The following THRB variants were observed in gnomAD, a reference collection of about 807,000 sequenced individuals.
THRB encodes the protein nuclear receptor subfamily 1 group A member 2.
Under a neutral mutation model 47.8 loss-of-function variants are expected in THRB, and 12 were observed. That is an observed-to-expected ratio of 0.25 (90% CI 0.16 to 0.41). The LOEUF is 0.41. THRB is among the 10% of genes least tolerant of loss of function. The probability of loss-of-function intolerance (pLI) is 1.00; values close to 1 mark genes in which losing one functional copy is unlikely to be tolerated. For synonymous variants in THRB, 218 were observed against 212.2 expected (o/e 1.03, Z -0.24); for missense variants, 348 against 589.2 (o/e 0.59, Z 4.24).
At chr3:24,198,078 A>G (rs2044161517) in intron 4 of THRB, among the ~76,000 whole-genome samples, 1 of 152,122 alleles carries the variant, frequency 6.6e-6, no homozygotes, top group South Asian at 2.1e-4. Flanking sequence ...CTTTGAATCT[A>G]CCCAGGTGGC....
intron 3 of THRB, among the ~76,000 whole-genome samples, chr3:24,238,313 T>G: frequency 7.6e-6 from 1 of 131,124 alleles, no homozygotes; most frequent in Non-Finnish European, 1.6e-5. Flanking sequence ...GTGTGTGTGA[T>G]GAACGGATTG....
chr3:24,307,328 A>T (rs2057422955), intron 2 of THRB, among the ~76,000 whole-genome samples: 1 of 152,126 alleles, frequency 6.6e-6, no homozygotes, highest in Non-Finnish European at 1.5e-5. Context: ...GTATTAAAAA[A>T]TCACTAGTAA....
At chr3:24,143,460 C>G (rs761469654) in intron 8 of THRB, 41 bp downstream of exon 8, 29 of 1,587,066 alleles carry the variant, frequency 1.8e-5, no homozygotes, top group Non-Finnish European at 2.5e-5. Flanking sequence ...GTAGAAAACA[C>G]TGGCATATAA....
chr3:24,328,322 T>C (rs1023011937), intron 2 of THRB, among the ~76,000 whole-genome samples: 1 of 152,212 alleles, frequency 6.6e-6, no homozygotes, highest in Admixed American at 6.5e-5. Flanking sequence ...TTTATAATAA[T>C]ATATAAATAC....
chr3:24,263,312 A>C (rs183971023), intron 3 of THRB, among the ~76,000 whole-genome samples: 249 of 152,174 alleles, frequency 1.6e-3, no homozygotes, highest in African/African-American at 5.7e-3. Context: ...AATCCTTACA[A>C]AACCACTGTG....
chr3:24,387,089 T>A (rs575921192), intron 1 of THRB, among the ~76,000 whole-genome samples: 1 of 152,276 alleles, frequency 6.6e-6, no homozygotes, highest in Non-Finnish European at 1.5e-5. Context: ...ATATAATAAT[T>A]GTCAAACTGT....
At chr3:24,325,458 G>A (rs1337485644) in intron 2 of THRB, among the ~76,000 whole-genome samples, 7 of 152,246 alleles carry the variant, frequency 4.6e-5, no homozygotes, top group East Asian at 3.9e-4. Context: ...AGGCTGAGGC[G>A]GATGGATCAC....
chr3:24,354,133 C>T (rs1290316257), intron 1 of THRB, among the ~76,000 whole-genome samples: 1 of 152,100 alleles, frequency 6.6e-6, no homozygotes, highest in Admixed American at 6.6e-5. Context: ...AACAGAAAGC[C>T]AAACACTGCG....
chr3:24,477,842 C>T (rs1462462110), intron 1 of THRB, among the ~76,000 whole-genome samples: 1 of 150,978 alleles, frequency 6.6e-6, no homozygotes. Flanking sequence ...CAAAAAAGTA[C>T]AAGCAATGCA....
chr3:24,218,900 T>C (rs797000750), intron 4 of THRB, among the ~76,000 whole-genome samples: 31 of 152,192 alleles, frequency 2.0e-4, no homozygotes, highest in African/African-American at 7.0e-4. Flanking sequence ...TTAAAAATAA[T>C]AAGTATATAA....
chr3:24,135,654 T>C (rs1575321977), intron 8 of THRB, among the ~76,000 whole-genome samples: 1 of 151,936 alleles, frequency 6.6e-6, no homozygotes, highest in Non-Finnish European at 1.5e-5. Flanking sequence ...GTTCCTCCTT[T>C]GGTAATGCTG....
At chr3:24,262,752 C>T (rs969863343) in intron 3 of THRB, among the ~76,000 whole-genome samples, 1 of 152,214 alleles carries the variant, frequency 6.6e-6, no homozygotes, top group Non-Finnish European at 1.5e-5. Flanking sequence ...CACTTTCTCT[C>T]CAGAGAGCTT....
intron 1 of THRB, among the ~76,000 whole-genome samples, chr3:24,464,467 A>G (rs144894120): frequency 6.6e-5 from 10 of 152,270 alleles, no homozygotes; most frequent in African/African-American, 2.4e-4. Context: ...TATTTTTCCA[A>G]TGTAGCTATT....
At chr3:24,422,282 A>G (rs191785888) in intron 1 of THRB, among the ~76,000 whole-genome samples, 1 of 152,034 alleles carries the variant, frequency 6.6e-6, no homozygotes, top group African/African-American at 2.4e-5. Context: ...CTGGATGGAT[A>G]ATCTCCCAGA....
At chr3:24,239,078 A>G (rs62253726) in intron 3 of THRB, among the ~76,000 whole-genome samples, 1 of 152,014 alleles carries the variant, frequency 6.6e-6, no homozygotes, top group Non-Finnish European at 1.5e-5. Flanking sequence ...AGTAGTTGGA[A>G]TTACAGGCAC....
rs826372 is a variant in THRB, at chr3:24,122,214, T to C, written c.*670A>G. The C allele has an allele frequency of 0.22, 34,010 of 152,960 alleles. 4,109 individuals carry two copies. The highest frequency in any genetic ancestry group is 0.53 in the East Asian group (2,739 of 5,166). 9.5% of individuals were successfully genotyped at this position (152,960 alleles called of 1,614,324 possible). A position where few individuals can be genotyped will look rare whatever the true frequency, so the allele number is the denominator to read the frequency against. ...CACTGAAAAAAAATATTTTCCTTGT[T>C]GGCCTCCATCAGTCAATACCTGCAC... is the stretch of plus-strand genomic sequence containing the variant. On this transcript the variant is annotated 3_prime_UTR_variant, in exon 11 of 11. Transcript: ENST00000646209.
In THRB at chr3:24,269,599, A is replaced by AT. The variant is rs10575669; in HGVS notation, c.-43+27626dup. Among the ~76,000 whole-genome samples, 607 of 134,278 alleles carry AT rather than the reference A, an allele frequency of 4.5e-3. 4 individuals are homozygous for AT. The highest frequency in any genetic ancestry group is 0.01 in the African/African-American group (375 of 36,536). 88.1% of individuals were successfully genotyped at this position (134,278 alleles called of 152,430 possible). A position where few individuals can be genotyped will look rare whatever the true frequency, so the allele number is the denominator to read the frequency against. ...TGCCACTACACCTGGATAATTTTTA[A>AT]TTTTTTTTTTTTTTTTTGTAGAGAC... On this transcript the variant is annotated intron_variant, in intron 3 of 10. Transcript: ENST00000646209.
chr3:24,202,214 G>A (rs1220086199), intron 4 of THRB, among the ~76,000 whole-genome samples: 7 of 152,166 alleles, frequency 4.6e-5, no homozygotes, highest in African/African-American at 1.4e-4. Context: ...TGCTCAAAGT[G>A]ACTGAGATGG....
chr3:24,122,635 C>A lies in THRB; in HGVS notation c.*249G>T. 1 of 534,478 alleles carries A rather than the reference C, an allele frequency of 1.9e-6. No individual in the cohort carries two copies. The highest frequency in any genetic ancestry group is 3.4e-6 in the Non-Finnish European group (1 of 297,664). 33.1% of individuals were successfully genotyped at this position (534,478 alleles called of 1,614,324 possible). A position where few individuals can be genotyped will look rare whatever the true frequency, so the allele number is the denominator to read the frequency against. ...TGGTGCTGGTGAGTTAATGATTGTC[C>A]CCCACCCCACCTCCACAACCATAAA... is the stretch of plus-strand genomic sequence containing the variant. On this transcript the variant is annotated 3_prime_UTR_variant, in exon 11 of 11. Coordinates refer to ENST00000646209, the MANE Select transcript of THRB (RefSeq NM_001354712.2).
Sources: gnomAD v4.1 joint callset for allele counts (sites outside exome capture counted in the v4.1 genomes callset) on GRCh38, gnomAD v4.1.1 for gene constraint, MANE v1.5 for transcripts, NCBI Gene and HGNC (gene_info 2026-07-23, HGNC 2026-07-21) for gene names.